PLEC: variants seen among roughly 807,000 people sequenced by gnomAD.
The protein encoded by PLEC is plectin.
In PLEC, 216 loss-of-function variants were observed where a neutral mutation model predicts 392.8. The ratio of observed to expected loss-of-function variants is 0.55; its 90% CI spans 0.49 to 0.62. The LOEUF (loss-of-function observed/expected upper bound fraction) is 0.62, where lower values mean the gene tolerates loss of function less well. Among genes scored for constraint, PLEC ranks in the 20% least tolerant of loss-of-function variants. PLEC has a pLI of 0.00. For missense variants in PLEC, 6,863 were observed against 6,563.4 expected, an observed-to-expected ratio of 1.05 and a Z score of -1.58; for synonymous variants, 3,621 against 2,980.6, an observed-to-expected ratio of 1.21 and a Z score of -7.00.
chr8:143,973,438 A>G lies in PLEC; in HGVS notation c.35T>C (p.Ile12Thr). 6.5e-7 allele frequency: 1 copy of G among 1,537,368 alleles called. No homozygotes were observed. The highest frequency in any genetic ancestry group is 8.8e-7 in the Non-Finnish European group (1 of 1,142,076). Reference sequence around the variant, plus strand: ...CTCGCGCACCTCCTCGTAGGCCTGGATGAAGTCCTGCTCGTCGGGCAGCGG... The same window carrying G: ...CTCGCGCACCTCCTCGTAGGCCTGGGTGAAGTCCTGCTCGTCGGGCAGCGG... Residue 12 changes from isoleucine to threonine, a missense_variant, in exon 1 of 32, where the codon ATC (isoleucine) becomes ACC (threonine). Physicochemically the swap from Ile to Thr is moderately conservative, Grantham distance 89. Transcript: ENST00000356346. This position sits in a 1 kb window ranked among gnomAD's most constrained non-coding sequence, Gnocchi z 5.6.
chr8:143,975,249 G>A (rs782097211), upstream of PLEC: 9 of 1,607,572 alleles, frequency 5.6e-6, no homozygotes, highest in East Asian at 6.7e-5. The surrounding 1 kb of genome is among the most constrained non-coding windows in gnomAD (Gnocchi z 9.9). Flanking sequence ...CCCCCGCTGC[G>A]CCGGCTCCGC....
chr8:143,920,175 C>G lies in PLEC; in HGVS notation c.9646G>C (p.Ala3216Pro). 1.2e-6 allele frequency: 2 copies of G among 1,612,226 alleles called. No homozygotes were observed. Among genetic ancestry groups the G allele is most frequent in the Non-Finnish European group, 1.7e-6 (2 of 1,179,954 alleles). The stretch of plus-strand genomic sequence containing the variant: ...AGCTCCTCCTGCCGGGCCCGAGCAG[C>G]CTTTTCTGAGAGCGGCAGCAGGCTC... ...GLSLLPLSEKAARARQEELYS... is the reference protein window; with the variant it reads ...GLSLLPLSEKPARARQEELYS... Residue 3216 changes from alanine (A) to proline (P), a missense_variant, in exon 32 of 32, where the codon GCT becomes CCT. Physicochemically the swap from Ala to Pro is conservative, Grantham distance 27 (BLOSUM62 -1). Transcript: ENST00000345136.
In PLEC at chr8:143,927,467, G is replaced by T. The variant is rs782066425; in HGVS notation, c.3699C>A (p.Ile1233=). 23 of 1,597,740 alleles carry T rather than the reference G, an allele frequency of 1.4e-5. No homozygotes were observed. Among genetic ancestry groups the T allele is most frequent in the Non-Finnish European group, 1.9e-5 (22 of 1,178,488 alleles). ...LQDARRRQEQ[I]QAMPLADSQA... The stretch of plus-strand genomic sequence containing the variant: ...GGCTGTCGGCCAGCGGCATGGCCTG[G>T]ATCTGCTCCTGCCGCCGCCTGGCGT... The change falls in exon 27 of 32, where the codon ATC becomes ATA. Residue 1233 remains isoleucine (I), a synonymous_variant. Transcript: ENST00000345136.
rs886044814 is a variant in PLEC at position 143,918,054 on chromosome 8, T to C, written c.11767A>G (p.Lys3923Glu). 2 of 1,605,822 alleles carry C rather than the reference T, an allele frequency of 1.2e-6. No individual in the cohort carries two copies. The highest frequency in any genetic ancestry group is 8.5e-7 in the Non-Finnish European group (1 of 1,177,632). The change falls in exon 32 of 32, where the codon AAG becomes GAG. Residue 3923 changes from lysine to glutamate, a missense_variant. Lys to Glu is a moderately conservative substitution (Grantham distance 56). Coordinates refer to ENST00000345136, the MANE Select transcript of PLEC (RefSeq NM_201384.3). ...CCTTCCAGGAACTTCTGCAAGTTCTTGGTGACCTCCTCGATGGAGGTCAGG... is the reference window on the plus strand; with the variant it reads ...CCTTCCAGGAACTTCTGCAAGTTCTCGGTGACCTCCTCGATGGAGGTCAGG... ...EGLTSIEEVT[K>E]NLQKFLEGTS...
At position 143,916,503 on chromosome 8, in the gene PLEC, T is replaced by A; in HGVS notation, c.13318A>T (p.Thr4440Ser). The change falls in exon 32 of 32, where the codon ACC (threonine) becomes TCC (serine). Residue 4440 changes from threonine to serine, a missense_variant. By Grantham distance (58) the Thr-to-Ser change is moderately conservative (BLOSUM62 1). Coordinates refer to ENST00000345136, the MANE Select transcript of PLEC (RefSeq NM_201384.3). ...AYSKYLTCPKTKLKISYKDAL... is the reference protein window; with the variant it reads ...AYSKYLTCPKSKLKISYKDAL... ...TCCTTATAGGAGATCTTGAGCTTGGTCTTAGGGCAGGTGAGGTACTTGGAG... is the reference window on the plus strand; with the variant it reads ...TCCTTATAGGAGATCTTGAGCTTGGACTTAGGGCAGGTGAGGTACTTGGAG... 2 of 1,611,684 alleles carry A rather than the reference T, an allele frequency of 1.2e-6. No individual in the cohort carries two copies. Among genetic ancestry groups the A allele is most frequent in the Non-Finnish European group, 1.7e-6 (2 of 1,179,452 alleles).
chr8:143,946,670 C>T (rs2132632358), intron 1 of PLEC: 2 of 262,678 alleles, frequency 7.6e-6, no homozygotes, highest in Admixed American at 5.1e-5. Flanking sequence ...ACTGTTCCTG[C>T]CCCGCCCAGC....
At chr8:143,939,020 G>A (rs1829840569) in intron 1 of PLEC, among the ~76,000 whole-genome samples, 1 of 152,090 alleles carries the variant, frequency 6.6e-6, no homozygotes, top group Non-Finnish European at 1.5e-5. Context: ...TACAGACTGA[G>A]ACCCAAGCAG....
At chr8:143,930,871 T>A (rs553193173) in intron 19 of PLEC, among the ~76,000 whole-genome samples, 6 of 151,988 alleles carry the variant, frequency 3.9e-5, no homozygotes, top group Non-Finnish European at 7.4e-5. Flanking sequence ...ATCCCACCCC[T>A]CTGCGGGGGC....
chr8:143,933,865 A>C, intron 12 of PLEC, 133 bp downstream of exon 12: 1 of 737,640 alleles, frequency 1.4e-6, no homozygotes, highest in Non-Finnish European at 2.3e-6. Context: ...ATTCCCCACC[A>C]CATGCCCCGC....
Position 143,924,852 on chromosome 8 carries a change from CTT to C in PLEC, c.5075_5076del (p.Gln1692ArgfsTer50). 1 of 1,586,616 alleles carries C rather than the reference CTT, an allele frequency of 6.3e-7. No homozygotes were observed. Among genetic ancestry groups the C allele is most frequent in the South Asian group, 1.1e-5 (1 of 89,406 alleles). On this transcript the variant is annotated frameshift_variant, in exon 31 of 32. Transcript: ENST00000345136. LOFTEE classifies it high-confidence loss of function. Reference sequence around the variant, plus strand: ...GCCAGCTGCCGCTGCTTCTCCAGCTCTTGTTCAGCCAGCTCCCGCTGCCGGAC... The same window carrying C: ...GCCAGCTGCCGCTGCTTCTCCAGCTCGTTCAGCCAGCTCCCGCTGCCGGAC... ...QAVRQRELAE[Q>X]ELEKQRQLAE... is the part of the protein sequence containing the mutation.
Position 143,973,520 on chromosome 8 carries a change from C to T in PLEC, c.-48G>A, listed in dbSNP as rs1244749313. 90 of 1,305,664 alleles carry T rather than the reference C, an allele frequency of 6.9e-5. No individual in the cohort carries two copies. Among genetic ancestry groups the T allele is most frequent in the Non-Finnish European group, 8.5e-5 (86 of 1,017,564 alleles). The allele number at this position is 1,305,664 out of a possible 1,614,324, so 80.9% of individuals were successfully genotyped here. A position where few individuals can be genotyped will look rare whatever the true frequency, so the allele number is the denominator to read the frequency against. ...GTGCAGCGGAGCCTCCAGCACCCGG[C>T]GGCCACTCTGTCCCCGCGGCCGCGC... is the stretch of plus-strand genomic sequence containing the variant. On this transcript the variant is annotated 5_prime_UTR_variant, in exon 1 of 32. Transcript: ENST00000356346. This position sits in a 1 kb window ranked among gnomAD's most constrained non-coding sequence, Gnocchi z 5.6.
chr8:143,968,137 C>CA (rs797032322), intron 1 of PLEC, among the ~76,000 whole-genome samples: 6,627 of 106,344 alleles, frequency 0.062, 495 homozygotes, highest in African/African-American at 0.2. Context: ...GACTTCGTCT[C>CA]AAAAAAAAAA....
At chr8:143,973,801 G>C (rs1833560981), upstream of PLEC, among the ~76,000 whole-genome samples, 3 of 151,798 alleles carry the variant, frequency 2.0e-5, no homozygotes, top group Admixed American at 1.3e-4. The surrounding 1 kb of genome is among the most constrained non-coding windows in gnomAD (Gnocchi z 5.6). Context: ...GCCGCGACCT[G>C]TCTGTTCCCC....
In PLEC at chr8:143,933,992, C is replaced by G. The variant is rs782820595; in HGVS notation, c.1263+6G>C. The G allele has an allele frequency of 1.9e-5, 31 of 1,602,032 alleles. No homozygotes were observed. Among genetic ancestry groups the G allele is most frequent in the Non-Finnish European group, 2.5e-5 (30 of 1,177,844 alleles). On this transcript the variant is annotated splice_donor_region_variant and intron_variant, in intron 12 of 31. Coordinates refer to ENST00000345136, the MANE Select transcript of PLEC (RefSeq NM_201384.3). ...CCCGCCCACTGCCTGCCCCACACCC[C>G]CTCACCGACTGCAGCAGGGCGTCGG...
In PLEC at chr8:143,933,241, G is replaced by A. The variant is rs115081018; in HGVS notation, c.1374C>T (p.Thr458=). 3,637 of 1,613,106 alleles carry A rather than the reference G, an allele frequency of 2.3e-3. 70 individuals are homozygous for A. In the African/African-American group the frequency reaches 0.039, roughly 17 times the overall value. ...MIRLLFNDVQ[T]LKDGRHPQGE... ...CCTGCGGGTGCCGTCCATCCTTGAG[G>A]GTCTGCACGTCGTTGAAGAGCAGCC... The change falls in exon 13 of 32, where the codon ACC becomes ACT. Residue 458 remains threonine (T), a synonymous_variant. Coordinates refer to ENST00000345136, the MANE Select transcript of PLEC (RefSeq NM_201384.3).
At chr8:143,968,529 C>CAAAAAAAA (rs57468544) in intron 1 of PLEC, among the ~76,000 whole-genome samples, 6,595 of 62,872 alleles carry the variant, frequency 0.1, 672 homozygotes, top group Non-Finnish European at 0.14. Context: ...AACTCCATCT[C>CAAAAAAAA]AAAAAAAAAA....
intron 5 of PLEC, among the ~76,000 whole-genome samples, 157 bp downstream of exon 5, chr8:143,936,822 G>A (rs1829174041): frequency 6.6e-6 from 1 of 152,248 alleles, no homozygotes; most frequent in South Asian, 2.1e-4. Context: ...CAGGGTTGCG[G>A]CTGGCAGGAA....
At chr8:143,953,965 C>A (rs1381308747), upstream of PLEC, 4 of 1,310,970 alleles carry the variant, frequency 3.1e-6, no homozygotes, top group South Asian at 1.7e-5. Context: ...GGCCGCACCG[C>A]GCACCCCTCC....
At chr8:143,955,807 C>A (rs1832556986), upstream of PLEC, among the ~76,000 whole-genome samples, 1 of 151,856 alleles carries the variant, frequency 6.6e-6, no homozygotes, top group African/African-American at 2.4e-5. Context: ...TCTGTGTTGC[C>A]CAGGCTGGTC....
Sources: allele counts gnomAD v4.1 joint callset (sites outside exome capture counted in the v4.1 genomes callset), GRCh38; gene constraint gnomAD v4.1.1; non-coding constraint Gnocchi (gnomAD v3.1); transcripts MANE v1.5; gene names NCBI Gene and HGNC (gene_info 2026-07-23, HGNC 2026-07-21).